The following ZNF793 variants were observed in gnomAD, a reference collection of about 807,000 sequenced individuals.
ZNF793 encodes the protein zinc finger protein 793.
A neutral mutation model predicts 12.4 loss-of-function variants in ZNF793; 5 were observed. The ratio of observed to expected loss-of-function variants is 0.40; its 90% CI spans 0.21 to 0.84. The LOEUF (loss-of-function observed/expected upper bound fraction) is 0.84. Among genes scored for constraint, ZNF793 ranks in the 40% least tolerant of loss-of-function variants. The pLI, the probability that ZNF793 is intolerant of heterozygous loss-of-function variation, is 0.35. For missense variants in ZNF793, 456 were observed against 495.0 expected (o/e 0.92, Z 0.75); for synonymous variants, 162 against 172.4 (o/e 0.94, Z 0.47).
upstream of ZNF793, chr19:37,506,531 G>A (rs2147044349): frequency 6.6e-6 from 1 of 152,302 alleles, no homozygotes; most frequent in Middle Eastern, 3.4e-3. Context: ...TCCTAGGAGA[G>A]GCTGCACCCA....
At chr19:37,533,516 G>A (rs192189816) in intron 7 of ZNF793, 113 bp downstream of exon 7, 7 of 849,578 alleles carry the variant, frequency 8.2e-6, no homozygotes, top group South Asian at 3.2e-5. Flanking sequence ...CTTCAGCCAC[G>A]TTAATGACTC....
chr19:37,519,949 C>CT (rs779098963), intron 2 of ZNF793, among the ~76,000 whole-genome samples: 18 of 152,324 alleles, frequency 1.2e-4, no homozygotes, highest in Admixed American at 2.0e-4. Context: ...CCCAGATTCT[C>CT]TCAGTCAGTC....
Position 37,533,317 on chromosome 19 carries a change from G to C in ZNF793, c.152G>C (p.Gly51Ala). Residue 51 changes from glycine to alanine, a missense_variant, in exon 7 of 8, where the codon GGC becomes GCC. Gly to Ala is a moderately conservative substitution (Grantham distance 60). Transcript: ENST00000627814. Reference protein sequence around the residue: ...YSNLVSVGYEGTKPDVILRLE... With the variant: ...YSNLVSVGYEATKPDVILRLE... ...AATTTCCCCGGAACAGGTTATGAAG[G>C]CACCAAACCAGATGTGATCCTCAGA... 6.2e-7 allele frequency: 1 copy of C among 1,613,894 alleles called. No homozygotes were observed. The highest frequency in any genetic ancestry group is 8.5e-7 in the Non-Finnish European group (1 of 1,179,856).
intron 5 of ZNF793, among the ~76,000 whole-genome samples, chr19:37,530,322 T>A (rs575031719): frequency 2.6e-4 from 40 of 152,232 alleles, no homozygotes; most frequent in African/African-American, 9.1e-4. Context: ...TCCTTCCTCT[T>A]ATACTAATCC....
chr19:37,508,497 G>A (rs1320235625), intron 2 of ZNF793, 94 bp downstream of exon 2: 1 of 152,144 alleles, frequency 6.6e-6, no homozygotes, highest in Admixed American at 6.6e-5. Flanking sequence ...ATCATTTGAA[G>A]TCAGGAATTA....
chr19:37,508,028 G>A (rs2042264560), intron 1 of ZNF793, among the ~76,000 whole-genome samples: 1 of 152,102 alleles, frequency 6.6e-6, no homozygotes, highest in South Asian at 2.1e-4. Context: ...CCTGCATAGC[G>A]GGAACACATT....
intron 5 of ZNF793, among the ~76,000 whole-genome samples, chr19:37,527,499 T>A (rs937140876): frequency 2.0e-5 from 3 of 152,184 alleles, no homozygotes; most frequent in Non-Finnish European, 4.4e-5. Flanking sequence ...TTAAACCTCA[T>A]AGTAATTAAG....
intron 3 of ZNF793, among the ~76,000 whole-genome samples, chr19:37,520,522 T>A (rs1003961472): frequency 6.6e-6 from 1 of 152,178 alleles, no homozygotes; most frequent in Non-Finnish European, 1.5e-5. Flanking sequence ...AAGACGTTAC[T>A]CTTTCCAGGG....
At chr19:37,533,165 A>C (rs2042475593) in intron 6 of ZNF793, 143 bp from the exon 7 acceptor site, 1 of 632,356 alleles carries the variant, frequency 1.6e-6, no homozygotes, top group African/African-American at 1.8e-5. Context: ...GTCCTGGATT[A>C]CTAATCCCAT....
intron 2 of ZNF793, among the ~76,000 whole-genome samples, chr19:37,508,810 C>T (rs1220915631): frequency 6.6e-6 from 1 of 152,112 alleles, no homozygotes; most frequent in Non-Finnish European, 1.5e-5. Context: ...TTTATCTAGG[C>T]TCAACTTAAA....
intron 6 of ZNF793, 31 bp from the exon 7 acceptor site, chr19:37,533,277 C>T (rs779034571): frequency 2.5e-6 from 4 of 1,605,658 alleles, no homozygotes; most frequent in Admixed American, 1.7e-5. Flanking sequence ...AGGAGCTCAG[C>T]CCAAGACCTG....
At chr19:37,532,519 CG>C (rs754302110) in intron 6 of ZNF793, 37 bp downstream of exon 6, 1 of 1,523,590 alleles carries the variant, frequency 6.6e-7, no homozygotes, top group Non-Finnish European at 8.8e-7. Context: ...AGATTATGTT[CG>C]AATGACCACC....
chr19:37,523,528 G>T (rs1275521950), intron 5 of ZNF793, 74 bp downstream of exon 5: 19 of 1,419,396 alleles, frequency 1.3e-5, no homozygotes, highest in East Asian at 1.1e-4. Flanking sequence ...GGTGTGCATT[G>T]TAAGTATGTA....
Position 37,537,340 on chromosome 19 carries a change from G to T in ZNF793, c.682G>T (p.Val228Phe). The change falls in exon 8 of 8, where the codon GTC (valine) becomes TTC (phenylalanine). Residue 228 changes from valine (V) to phenylalanine (F), a missense_variant. Val to Phe is a conservative substitution (Grantham distance 50). Coordinates refer to ENST00000627814, the MANE Select transcript of ZNF793 (RefSeq NM_001013659.3). ...GGTTCCACCTACAGAAAAACCCCACGTCTGTAGTGAGTGTGGGAAAGCCTT... is the reference window on the plus strand; with the variant it reads ...GGTTCCACCTACAGAAAAACCCCACTTCTGTAGTGAGTGTGGGAAAGCCTT... The part of the protein sequence containing the change: ...KRVPPTEKPH[V>F]CSECGKAFCY... 1 of 1,613,296 alleles carries T rather than the reference G, an allele frequency of 6.2e-7. No homozygotes were observed. The highest frequency in any genetic ancestry group is 8.5e-7 in the Non-Finnish European group (1 of 1,179,632).
Position 37,540,745 on chromosome 19 carries a change from A to G in ZNF793, c.*2866A>G. ...GATATGGTTGTACACCAATAAATGA[A>G]AAGACTATTTTTTGAGTTAACTTTT... On this transcript the variant is annotated 3_prime_UTR_variant, in exon 8 of 8. Transcript: ENST00000627814. 6.6e-6 allele frequency: 1 copy of G among 152,036 alleles called. No individual in the cohort carries two copies. 9.4% of individuals were successfully genotyped at this position (152,036 alleles called of 1,614,324 possible).
At chr19:37,517,814 C>T (rs2042344574) in intron 2 of ZNF793, among the ~76,000 whole-genome samples, 2 of 151,056 alleles carry the variant, frequency 1.3e-5, no homozygotes, top group Non-Finnish European at 3.0e-5. Flanking sequence ...TTTATTTGTT[C>T]TTCCTGTGTG....
intron 3 of ZNF793, among the ~76,000 whole-genome samples, chr19:37,522,023 T>G (rs1445258495): frequency 6.6e-6 from 1 of 152,138 alleles, no homozygotes; most frequent in Non-Finnish European, 1.5e-5. Flanking sequence ...ATAAGAACTT[T>G]TTTTTATGTA....
Position 37,538,043 on chromosome 19 carries a change from C to G in ZNF793, c.*164C>G, listed in dbSNP as rs1418101201. On this transcript the variant is annotated 3_prime_UTR_variant, in exon 8 of 8. Transcript: ENST00000627814. ...TCTCCTGCCTCAGCCTCCCGAGTAG[C>G]TGGGACTACAGGTGCCCACCACCAT... is the stretch of plus-strand genomic sequence containing the variant. 4.5e-5 allele frequency: 37 copies of G among 814,704 alleles called. No individual in the cohort carries two copies. The highest frequency in any genetic ancestry group is 6.0e-5 in the Non-Finnish European group (33 of 548,656). 50.5% of individuals were successfully genotyped at this position (814,704 alleles called of 1,614,324 possible).
At chr19:37,536,598 G>C in intron 7 of ZNF793, 1 of 412,256 alleles carries the variant, frequency 2.4e-6, no homozygotes, top group Non-Finnish European at 4.3e-6. Context: ...TCATTGTGAC[G>C]GAGACCATAT....
Sources: allele counts gnomAD v4.1 joint callset (sites outside exome capture counted in the v4.1 genomes callset), GRCh38; gene constraint gnomAD v4.1.1; transcripts MANE v1.5; gene names NCBI Gene and HGNC (gene_info 2026-07-23, HGNC 2026-07-21).